The following ZSWIM7 variants were observed in gnomAD, a reference collection of about 807,000 sequenced individuals.
ZSWIM7 encodes zinc finger SWIM-type containing 7.
Under a neutral mutation model 21.1 loss-of-function variants are expected in ZSWIM7, and 22 were observed. That is an observed-to-expected ratio of 1.04 (90% CI 0.74 to 1.49). ZSWIM7 has a LOEUF of 1.49. ZSWIM7 is among the 40% of genes most tolerant of loss of function. The pLI is 0.00. For missense variants in ZSWIM7, 193 were observed against 168.0 expected (o/e 1.15, Z -0.82); for synonymous variants, 67 against 66.5 (o/e 1.01, Z -0.04).
chr17:15,991,927 TG>T (rs1421736180), intron 2 of ZSWIM7, among the ~76,000 whole-genome samples: 10 of 145,576 alleles, frequency 6.9e-5, no homozygotes, highest in African/African-American at 1.1e-4. Context: ...TGTTTTGTTT[TG>T]TTTTGTTTTT....
chr17:15,989,013 G>A (rs1970449927), intron 2 of ZSWIM7, among the ~76,000 whole-genome samples: 2 of 151,784 alleles, frequency 1.3e-5, no homozygotes, highest in Admixed American at 6.6e-5. Context: ...GGGAGACTCC[G>A]TCTCAAAAAA....
At chr17:15,992,887 A>T (rs1970503831) in intron 2 of ZSWIM7, among the ~76,000 whole-genome samples, 1 of 151,172 alleles carries the variant, frequency 6.6e-6, no homozygotes, top group African/African-American at 2.4e-5. Flanking sequence ...TTTATTTTTT[A>T]TTTTTTTTGA....
At chr17:15,980,903 C>T (rs1015115396) in intron 4 of ZSWIM7, 137 bp downstream of exon 4, 2 of 565,904 alleles carry the variant, frequency 3.5e-6, no homozygotes, top group Admixed American at 6.2e-5. Flanking sequence ...AGGTGACTAA[C>T]TGAAGACAAA....
At chr17:15,998,480 C>A (rs1452054281) in intron 1 of ZSWIM7, among the ~76,000 whole-genome samples, 1 of 152,158 alleles carries the variant, frequency 6.6e-6, no homozygotes, top group Middle Eastern at 3.2e-3. Context: ...TAAGCGATGG[C>A]AGTTTGGGGG....
intron 4 of ZSWIM7, among the ~76,000 whole-genome samples, chr17:15,979,178 G>T (rs1199033319): frequency 6.6e-6 from 1 of 151,620 alleles, no homozygotes; most frequent in African/African-American, 2.4e-5. Context: ...AGATTAGGGA[G>T]TGGTGATGAC....
At chr17:15,992,392 T>C (rs935182765) in intron 2 of ZSWIM7, among the ~76,000 whole-genome samples, 4 of 151,532 alleles carry the variant, frequency 2.6e-5, no homozygotes, top group African/African-American at 9.7e-5. Context: ...TCCTTGCAGA[T>C]AGGTACATTT....
rs751030992 is a variant in ZSWIM7 at position 15,987,323 on chromosome 17, T to G, written c.144A>C (p.Leu48=). Residue 48 remains leucine (L), a synonymous_variant, in exon 3 of 5, where the codon CTA becomes CTC. Coordinates refer to ENST00000399277, the MANE Select transcript of ZSWIM7 (RefSeq NM_001042697.2). The part of the protein sequence containing the change: ...FGSSATQALD[L]VDRQSITLIS... ...TTAAGGTGATGGACTGTCGATCAACTAGGTCCAAGGCCTGGGTGGCTGATG... is the reference window on the plus strand; with the variant it reads ...TTAAGGTGATGGACTGTCGATCAACGAGGTCCAAGGCCTGGGTGGCTGATG... 22 of 1,613,636 alleles carry G rather than the reference T, an allele frequency of 1.4e-5. No individual in the cohort carries two copies. The highest frequency in any genetic ancestry group is 1.8e-5 in the Non-Finnish European group (21 of 1,179,868).
chr17:15,989,739 T>G, intron 2 of ZSWIM7, among the ~76,000 whole-genome samples: 1 of 152,034 alleles, frequency 6.6e-6, no homozygotes, highest in South Asian at 2.1e-4. Flanking sequence ...CAAGTGATCC[T>G]CCCACCACCT....
At chr17:15,981,713 A>C (rs932532109) in intron 3 of ZSWIM7, among the ~76,000 whole-genome samples, 1 of 152,092 alleles carries the variant, frequency 6.6e-6, no homozygotes, top group Non-Finnish European at 1.5e-5. Flanking sequence ...AGAGTTCAAG[A>C]CCAGCATGGG....
chr17:15,981,157 G>C lies in ZSWIM7; in HGVS notation c.202-13C>G. Reference sequence around the variant, plus strand: ...AACTTCCAAGGACCTACAAAGAAAGGATAGATGGGATCAGACCTCAGATGT... The same window carrying C: ...AACTTCCAAGGACCTACAAAGAAAGCATAGATGGGATCAGACCTCAGATGT... On this transcript the variant is annotated splice_polypyrimidine_tract_variant and intron_variant, in intron 3 of 4. Transcript: ENST00000399277. 5 of 1,602,812 alleles carry C rather than the reference G, an allele frequency of 3.1e-6. No individual in the cohort carries two copies. Among genetic ancestry groups the C allele is most frequent in the Non-Finnish European group, 4.3e-6 (5 of 1,170,368 alleles).
In ZSWIM7 at chr17:15,995,575, TA is replaced by T. The variant is rs550832963; in HGVS notation, c.77-1798del. ...CTGTGGCCGGCAAGACCCTGTCTCT[TA>T]AAAAAAAAAAAAAAAAAAAAAGACA... On this transcript the variant is annotated intron_variant, in intron 1 of 4. Coordinates refer to ENST00000399277, the MANE Select transcript of ZSWIM7 (RefSeq NM_001042697.2). Among the ~76,000 whole-genome samples the T allele has an allele frequency of 8.1e-3, 817 of 100,250 alleles. 6 individuals are homozygous for T. The highest frequency in any genetic ancestry group is 0.027 in the African/African-American group (671 of 25,296). The allele number at this position is 100,250 out of a possible 152,430, so 65.8% of individuals were successfully genotyped here.
intron 4 of ZSWIM7, 64 bp downstream of exon 4, chr17:15,980,976 C>A: frequency 7.9e-7 from 1 of 1,271,402 alleles, no homozygotes. Flanking sequence ...ATAGTTAAAC[C>A]ACAAAGTAAG....
chr17:15,979,014 C>A (rs1359860545), intron 4 of ZSWIM7, among the ~76,000 whole-genome samples: 1 of 138,290 alleles, frequency 7.2e-6, no homozygotes, highest in Non-Finnish European at 1.6e-5. Flanking sequence ...TTTTATTGAT[C>A]ATTCTTGGGT....
At chr17:15,979,852 C>T (rs1427223942) in intron 4 of ZSWIM7, among the ~76,000 whole-genome samples, 59 of 96,512 alleles carry the variant, frequency 6.1e-4, no homozygotes, top group Admixed American at 1.2e-3. Flanking sequence ...CCCTCCCGGA[C>T]GGGGCGGCTG....
chr17:15,981,019 AAG>A lies in ZSWIM7; in HGVS notation c.306+19_306+20del. The A allele has an allele frequency of 6.3e-7, 1 of 1,583,286 alleles. No individual in the cohort carries two copies. The highest frequency in any genetic ancestry group is 2.2e-5 in the East Asian group (1 of 44,506). ...TCTCTCTACATTCAACTACAGTGGGAAGAGTCTTCCCCATCCTCACCAGGATG... is the reference window on the plus strand; with the variant it reads ...TCTCTCTACATTCAACTACAGTGGGAAGTCTTCCCCATCCTCACCAGGATG... On this transcript the variant is annotated intron_variant, in intron 4 of 4. Coordinates refer to ENST00000399277, the MANE Select transcript of ZSWIM7 (RefSeq NM_001042697.2).
At chr17:15,978,806 G>A (rs1970309623) in intron 4 of ZSWIM7, among the ~76,000 whole-genome samples, 1 of 152,100 alleles carries the variant, frequency 6.6e-6, no homozygotes, top group African/African-American at 2.4e-5. Flanking sequence ...CCTTCAGAAA[G>A]CTGTCACAGC....
intron 3 of ZSWIM7, among the ~76,000 whole-genome samples, chr17:15,982,814 CTAAT>C (rs985555688): frequency 5.9e-5 from 9 of 152,044 alleles, no homozygotes; most frequent in African/African-American, 2.2e-4. Context: ...CCACCCTATG[CTAAT>C]TTTAAAATTT....
intron 1 of ZSWIM7, 185 bp downstream of exon 1, chr17:15,999,334 T>G: frequency 2.6e-6 from 2 of 777,536 alleles, no homozygotes; most frequent in Non-Finnish European, 4.2e-6. Flanking sequence ...TGACTTTTAC[T>G]TGTTCCAATT....
intron 3 of ZSWIM7, among the ~76,000 whole-genome samples, chr17:15,981,964 T>TGGGAAA (rs1970361257): frequency 4.6e-5 from 7 of 152,096 alleles, no homozygotes; most frequent in Non-Finnish European, 7.4e-5. Context: ...GAAGAGGCTT[T>TGGGAAA]TGAAAAGCAT....
Sources: allele counts gnomAD v4.1 joint callset (sites outside exome capture counted in the v4.1 genomes callset), GRCh38; gene constraint gnomAD v4.1.1; transcripts MANE v1.5; gene names NCBI Gene and HGNC (gene_info 2026-07-23, HGNC 2026-07-21).